FRYL: variants seen among roughly 807,000 people sequenced by gnomAD.
FRYL encodes the protein FRY like transcription coactivator, also known as protein furry homolog-like.
In FRYL, 150 loss-of-function variants were observed where a neutral mutation model predicts 351.2. The observed-to-expected ratio is 0.43, with a 90% CI of 0.37 to 0.49. The LOEUF (loss-of-function observed/expected upper bound fraction) is 0.49, where lower values mean the gene tolerates loss of function less well. Ranked by LOEUF, FRYL falls within the 20% of genes least tolerant of loss-of-function variation. The pLI is 0.00. For missense variants in FRYL, 3,036 were observed against 3,619.3 expected, an observed-to-expected ratio of 0.84 and a Z score of 4.13; for synonymous variants, 1,153 against 1,257.1, an observed-to-expected ratio of 0.92 and a Z score of 1.75.
chr4:48,537,980 T>C (rs1367431091), intron 47 of FRYL, among the ~76,000 whole-genome samples: 1 of 152,094 alleles, frequency 6.6e-6, no homozygotes, highest in Non-Finnish European at 1.5e-5. Context: ...ACCCCTCAGG[T>C]AGGGAAAAAA....
chr4:48,524,187 T>A (rs1292183937), intron 53 of FRYL, among the ~76,000 whole-genome samples: 1 of 152,120 alleles, frequency 6.6e-6, no homozygotes, highest in African/African-American at 2.4e-5. Context: ...AATCTTTTTT[T>A]TTTTTTTGAA....
At position 48,540,939 on chromosome 4, in the gene FRYL, T is replaced by C; in HGVS notation, c.5709A>G (p.Ile1903Met). Residue 1903 changes from isoleucine (I) to methionine (M), a missense_variant, in exon 46 of 64, where the codon ATA becomes ATG. This residue lies in a region of FRYL where 1,987 missense variants were observed against 2,311.7 expected (regional missense o/e 0.86). Coordinates refer to ENST00000358350, the MANE Select transcript of FRYL (RefSeq NM_015030.2). ...TGTTAGCTGCATACTTGTTTCCCAT[T>C]ATAGGATCATGATATGAGGTTCTTA... is the stretch of plus-strand genomic sequence containing the variant. ...ALSQTSYHDPIMGNKYAANRK... is the reference protein window; with the variant it reads ...ALSQTSYHDPMMGNKYAANRK... 6.3e-7 allele frequency: 1 copy of C among 1,598,964 alleles called. No homozygotes were observed. Among genetic ancestry groups the C allele is most frequent in the Non-Finnish European group, 8.5e-7 (1 of 1,169,830 alleles).
intron 3 of FRYL, among the ~76,000 whole-genome samples, chr4:48,641,279 G>T (rs1426069240): frequency 6.6e-6 from 1 of 152,058 alleles, no homozygotes; most frequent in African/African-American, 2.4e-5. Flanking sequence ...AGCAGAGAGT[G>T]GGCTTTAGAA....
chr4:48,592,634 T>C (rs1417380746), intron 16 of FRYL, among the ~76,000 whole-genome samples: 1 of 152,148 alleles, frequency 6.6e-6, no homozygotes, highest in African/African-American at 2.4e-5. Flanking sequence ...CTGGAAACCA[T>C]TTTTGTCGGT....
At chr4:48,656,115 T>C (rs1247349394) in intron 3 of FRYL, among the ~76,000 whole-genome samples, 7 of 104,392 alleles carry the variant, frequency 6.7e-5, no homozygotes, top group Admixed American at 1.3e-4. Context: ...TATACATATA[T>C]ACATAAATAA....
rs181238264 is a variant in FRYL at position 48,708,976 on chromosome 4, C to T, written c.-204+1543G>A. Among the ~76,000 whole-genome samples the T allele has an allele frequency of 1.7e-4, 26 of 150,200 alleles. No homozygotes were observed. In the East Asian group the frequency reaches 4.1e-3, roughly 24 times the overall value. Reference sequence around the variant, plus strand: ...CTCACTCTGTCTCCCAGGCTGGATGCGGTGGCGCGATCTCGGCTCACTGTA... The same window carrying T: ...CTCACTCTGTCTCCCAGGCTGGATGTGGTGGCGCGATCTCGGCTCACTGTA... On this transcript the variant is annotated intron_variant, in intron 2 of 63. Coordinates refer to ENST00000358350, the MANE Select transcript of FRYL (RefSeq NM_015030.2).
intron 1 of FRYL, among the ~76,000 whole-genome samples, chr4:48,764,693 T>A (rs758843032): frequency 7.2e-5 from 11 of 152,150 alleles, no homozygotes; most frequent in Non-Finnish European, 1.5e-4. Context: ...GTGAAAGAAA[T>A]TGAAGGTGAC....
intron 2 of FRYL, among the ~76,000 whole-genome samples, chr4:48,710,016 T>C (rs1291882689): frequency 2.0e-5 from 3 of 152,166 alleles, no homozygotes; most frequent in Admixed American, 6.5e-5. Context: ...TGAGTAAATA[T>C]CAGAGTTGCC....
intron 11 of FRYL, among the ~76,000 whole-genome samples, chr4:48,604,255 G>A (rs1165153306): frequency 1.3e-5 from 2 of 152,232 alleles, no homozygotes; most frequent in Non-Finnish European, 2.9e-5. Context: ...GCCAGCCAGA[G>A]AAAGAGGGGA....
chr4:48,752,208 T>C (rs1773322083), intron 1 of FRYL, among the ~76,000 whole-genome samples: 1 of 152,214 alleles, frequency 6.6e-6, no homozygotes, highest in African/African-American at 2.4e-5. Flanking sequence ...ATGGGTAAAC[T>C]GAGAGCTCTA....
chr4:48,527,666 TAAA>T lies in FRYL; in HGVS notation c.7141-16_7141-14del, dbSNP rs11356838. 2.0e-3 allele frequency: 2,531 copies of T among 1,238,092 alleles called. No homozygotes were observed. Among genetic ancestry groups the T allele is most frequent in the South Asian group, 5.2e-3 (339 of 65,442 alleles). The allele number at this position is 1,238,092 out of a possible 1,614,324, so 76.7% of individuals were successfully genotyped here. A position where few individuals can be genotyped will look rare whatever the true frequency, so the allele number is the denominator to read the frequency against. On this transcript the variant is annotated splice_polypyrimidine_tract_variant and intron_variant, in intron 52 of 63. Coordinates refer to ENST00000358350, the MANE Select transcript of FRYL (RefSeq NM_015030.2). ...AAGAAAATACAACCTGATGCCCGAT[TAAA>T]AAAAAAAAAAAAGTCCATCCATCAG...
At chr4:48,626,070 C>T (rs977815189) in intron 4 of FRYL, among the ~76,000 whole-genome samples, 1 of 151,940 alleles carries the variant, frequency 6.6e-6, no homozygotes, top group African/African-American at 2.4e-5. Flanking sequence ...TTGGTGGTAT[C>T]CAGCAAATCC....
intron 3 of FRYL, among the ~76,000 whole-genome samples, chr4:48,656,623 T>C (rs1338389143): frequency 2.8e-5 from 4 of 140,470 alleles, no homozygotes; most frequent in Non-Finnish European, 6.0e-5. Flanking sequence ...TTATATATAA[T>C]GTATATAGTA....
At chr4:48,562,388 C>T (rs1735722960) in intron 32 of FRYL, among the ~76,000 whole-genome samples, 1 of 152,146 alleles carries the variant, frequency 6.6e-6, no homozygotes, top group South Asian at 2.1e-4. Flanking sequence ...ATTCTTAGCC[C>T]TTGGTTAAGA....
chr4:48,627,040 T>G (rs1751976198), intron 4 of FRYL, among the ~76,000 whole-genome samples: 1 of 152,146 alleles, frequency 6.6e-6, no homozygotes, highest in African/African-American at 2.4e-5. Context: ...CTGCACACCA[T>G]TCACATGCAA....
At chr4:48,565,389 A>T (rs1283091370) in intron 29 of FRYL, 142 bp downstream of exon 29, 2 of 532,088 alleles carry the variant, frequency 3.8e-6, no homozygotes, top group African/African-American at 3.9e-5. Context: ...GTATTTAAAT[A>T]TAACTTATGG....
At position 48,540,366 on chromosome 4, in the gene FRYL, A is replaced by C. The variant is rs1382474273; in HGVS notation, c.6282T>G (p.Pro2094=). The C allele has an allele frequency of 6.2e-7, 1 of 1,612,204 alleles. No homozygotes were observed. Among genetic ancestry groups the C allele is most frequent in the Non-Finnish European group, 8.5e-7 (1 of 1,178,572 alleles). ...ISVSKHTLVD[P]SQLSGFPLNI... ...TATTAACATCACCTGACAATTGGGAAGGATCCACCAATGTATGTTTGGAGA... is the reference window on the plus strand; with the variant it reads ...TATTAACATCACCTGACAATTGGGACGGATCCACCAATGTATGTTTGGAGA... Residue 2094 remains proline (P), a synonymous_variant, in exon 46 of 64, where the codon CCT becomes CCG. Transcript: ENST00000358350.
At chr4:48,526,913 T>C (rs1726362809) in intron 53 of FRYL, among the ~76,000 whole-genome samples, 1 of 152,166 alleles carries the variant, frequency 6.6e-6, no homozygotes, top group South Asian at 2.1e-4. Flanking sequence ...TGATTTCGAA[T>C]GTCAAAGAAA....
At chr4:48,730,851 C>T (rs978375523) in intron 1 of FRYL, among the ~76,000 whole-genome samples, 3 of 152,120 alleles carry the variant, frequency 2.0e-5, no homozygotes, top group African/African-American at 4.8e-5. Flanking sequence ...ATGACAGGAT[C>T]AAATTCACAC....
Sources: allele counts gnomAD v4.1 joint callset (sites outside exome capture counted in the v4.1 genomes callset), GRCh38; gene constraint gnomAD v4.1.1; regional missense constraint gnomAD v4.1.1; transcripts MANE v1.5; gene names NCBI Gene and HGNC (gene_info 2026-07-23, HGNC 2026-07-21).